Variants in ANKRA2 observed in about 807,000 individuals in gnomAD.
The protein encoded by ANKRA2 is ankyrin repeat family A protein 2.
In ANKRA2, 33 loss-of-function variants were observed where a neutral mutation model predicts 37.8. The ratio of observed to expected loss-of-function variants is 0.87; its 90% CI spans 0.66 to 1.17. ANKRA2 has a LOEUF of 1.17. Among genes scored for constraint, ANKRA2 ranks in the 50% most tolerant of loss-of-function variants. The probability of loss-of-function intolerance (pLI) is 0.00; values close to 1 mark genes in which losing one functional copy is unlikely to be tolerated. For missense variants in ANKRA2, 326 were observed against 373.7 expected (o/e 0.87, Z 1.05); for synonymous variants, 126 against 132.3 (o/e 0.95, Z 0.33).
intron 3 of ANKRA2, among the ~76,000 whole-genome samples, chr5:73,558,237 C>T (rs1023072177): frequency 6.6e-6 from 1 of 152,092 alleles, no homozygotes; most frequent in Non-Finnish European, 1.5e-5. Flanking sequence ...CCTTGACCTC[C>T]CACAGTGCTG....
At chr5:73,556,124 G>C (rs1290730579) in intron 4 of ANKRA2, among the ~76,000 whole-genome samples, 2 of 152,048 alleles carry the variant, frequency 1.3e-5, no homozygotes, top group Non-Finnish European at 2.9e-5. Context: ...TCTCATTCTT[G>C]TGGTTTGCTA....
chr5:73,555,294 A>G (rs1747369102), intron 5 of ANKRA2, 194 bp downstream of exon 5: 1 of 1,214,486 alleles, frequency 8.2e-7, no homozygotes, highest in South Asian at 1.7e-5. Context: ...TGGGCGTTAA[A>G]TTATTTCTCA....
rs773746633 is a variant in ANKRA2 at position 73,555,010 on chromosome 5, A to G, written c.613-24T>C. 3 of 1,596,210 alleles carry G rather than the reference A, an allele frequency of 1.9e-6. No individual in the cohort carries two copies. The Admixed American group carries it at 5.5e-5, about 29-fold the overall frequency. On this transcript the variant is annotated intron_variant, in intron 5 of 8. Transcript: ENST00000296785. Reference sequence around the variant, plus strand: ...CCCTGGTATGGGAAGTAGAGATAAAAGACTTCTCAATTAGTTTAAACAAGA... The same window carrying G: ...CCCTGGTATGGGAAGTAGAGATAAAGGACTTCTCAATTAGTTTAAACAAGA...
At chr5:73,563,129 A>G (rs1747601491) in intron 1 of ANKRA2, 144 bp from the exon 2 acceptor site, 1 of 316,024 alleles carries the variant, frequency 3.2e-6, no homozygotes, top group South Asian at 5.1e-5. Context: ...AGAGGTAGAG[A>G]AACCTGGGTA....
Position 73,552,741 on chromosome 5 carries a change from T to C in ANKRA2, c.*56A>G, listed in dbSNP as rs1747285602. ...AAAAATTTATAAGTAAACAAAACTA[T>C]CATTTATAAGGACCAAGAAGTAAAC... is the stretch of plus-strand genomic sequence containing the variant. On this transcript the variant is annotated 3_prime_UTR_variant, in exon 9 of 9. Coordinates refer to ENST00000296785, the MANE Select transcript of ANKRA2 (RefSeq NM_023039.5). 21 of 1,484,428 alleles carry C rather than the reference T, an allele frequency of 1.4e-5. No homozygotes were observed. The highest frequency in any genetic ancestry group is 1.9e-5 in the Non-Finnish European group (20 of 1,076,158). The allele number at this position is 1,484,428 out of a possible 1,614,324, so 92.0% of individuals were successfully genotyped here. A position where few individuals can be genotyped will look rare whatever the true frequency, so the allele number is the denominator to read the frequency against.
intron 7 of ANKRA2, among the ~76,000 whole-genome samples, chr5:73,553,983 C>T (rs113041535): frequency 0.028 from 4,196 of 152,156 alleles, 192 homozygotes; most frequent in African/African-American, 0.095. Flanking sequence ...GTTGGCCAGG[C>T]TGGTTTGAAC....
chr5:73,560,900 GTCTT>G (rs1747534398), intron 3 of ANKRA2, among the ~76,000 whole-genome samples: 1 of 152,138 alleles, frequency 6.6e-6, no homozygotes, highest in Admixed American at 6.5e-5. Context: ...TGTGGTATTT[GTCTT>G]TCTATGCCTG....
intron 3 of ANKRA2, among the ~76,000 whole-genome samples, chr5:73,558,879 T>G (rs892394970): frequency 6.6e-6 from 1 of 152,160 alleles, no homozygotes; most frequent in Non-Finnish European, 1.5e-5. Flanking sequence ...TAATTAGCTG[T>G]GTGATGTTGG....
chr5:73,559,414 C>A (rs138398894), intron 3 of ANKRA2, among the ~76,000 whole-genome samples: 2 of 152,126 alleles, frequency 1.3e-5, no homozygotes, highest in African/African-American at 4.8e-5. Flanking sequence ...AAAACTTCCT[C>A]TACAATGATT....
intron 2 of ANKRA2, among the ~76,000 whole-genome samples, chr5:73,562,103 G>A (rs1747572289): frequency 6.6e-6 from 1 of 152,040 alleles, no homozygotes; most frequent in South Asian, 2.1e-4. Context: ...TGCAACCACA[G>A]CCTCTGTGGT....
chr5:73,553,518 A>C, intron 7 of ANKRA2, 32 bp from the exon 8 acceptor site: 1 of 1,539,738 alleles, frequency 6.5e-7, no homozygotes, highest in Non-Finnish European at 9.0e-7. Flanking sequence ...ACATAAATGA[A>C]ATGAAAATGC....
chr5:73,562,927 C>G lies in ANKRA2; in HGVS notation c.-46G>C, dbSNP rs186070773. On this transcript the variant is annotated 5_prime_UTR_variant, in exon 2 of 9. Transcript: ENST00000296785. The stretch of plus-strand genomic sequence containing the variant: ...TAACTAAAACATTTCTTCATGATTT[C>G]CTCTTGGTTTTGTAAGAGCAGTATC... The G allele has an allele frequency of 8.1e-5, 123 of 1,524,198 alleles. No homozygotes were observed. The highest frequency in any genetic ancestry group is 1.1e-4 in the Non-Finnish European group (120 of 1,130,384). The allele number at this position is 1,524,198 out of a possible 1,614,324, so 94.4% of individuals were successfully genotyped here. A position where few individuals can be genotyped will look rare whatever the true frequency, so the allele number is the denominator to read the frequency against.
intron 3 of ANKRA2, among the ~76,000 whole-genome samples, chr5:73,557,875 G>A (rs565413964): frequency 3.9e-5 from 6 of 152,094 alleles, no homozygotes; most frequent in Non-Finnish European, 5.9e-5. Flanking sequence ...TCAGGAGTTC[G>A]AGACCAGCCT....
chr5:73,560,164 CATTT>C (rs1462816801), intron 3 of ANKRA2, among the ~76,000 whole-genome samples: 14 of 152,020 alleles, frequency 9.2e-5, no homozygotes, highest in African/African-American at 3.1e-4. Flanking sequence ...ACGTATAATG[CATTT>C]ATTTATTTTT....
chr5:73,552,875 A>T (rs1161584624), intron 8 of ANKRA2, 23 bp from the exon 9 acceptor site: 1 of 1,551,942 alleles, frequency 6.4e-7, no homozygotes, highest in East Asian at 2.3e-5. Context: ...GGTAATCAAG[A>T]TTACAGCACA....
At position 73,555,566 on chromosome 5, in the gene ANKRA2, C is replaced by T. The variant is rs374035552; in HGVS notation, c.534G>A (p.Thr178=). Residue 178 remains threonine, a synonymous_variant, in exon 5 of 9, where the codon ACG becomes ACA. Transcript: ENST00000296785. ...TCAGAGGAGTAAATCCTTCTTCATC[C>T]GTGTGATTGATAACATTTTCTATTT... The part of the protein sequence containing the change: ...RIEQENVINH[T]DEEGFTPLMW... 8 of 1,613,756 alleles carry T rather than the reference C, an allele frequency of 5.0e-6. No individual in the cohort carries two copies. The highest frequency in any genetic ancestry group is 2.2e-5 in the East Asian group (1 of 44,882).
Position 73,561,129 on chromosome 5 carries a change from C to G in ANKRA2, c.448+1G>C. On this transcript the variant is annotated splice_donor_variant, in intron 3 of 8. Coordinates refer to ENST00000296785, the MANE Select transcript of ANKRA2 (RefSeq NM_023039.5). LOFTEE classifies it high-confidence loss of function. ...GTAATACATCAGTGGCAAATACTTA[C>G]AATTTGCTAACAGAGGTGTGGTAGA... 1 of 1,606,624 alleles carries G rather than the reference C, an allele frequency of 6.2e-7. No individual in the cohort carries two copies. Among genetic ancestry groups the G allele is most frequent in the East Asian group, 2.2e-5 (1 of 44,794 alleles).
rs1288501577 is a variant in ANKRA2 at position 73,561,129 on chromosome 5, C to A, written c.448+1G>T. The stretch of plus-strand genomic sequence containing the variant: ...GTAATACATCAGTGGCAAATACTTA[C>A]AATTTGCTAACAGAGGTGTGGTAGA... On this transcript the variant is annotated splice_donor_variant, in intron 3 of 8. Coordinates refer to ENST00000296785, the MANE Select transcript of ANKRA2 (RefSeq NM_023039.5). LOFTEE classifies it high-confidence loss of function. 5.0e-6 allele frequency: 8 copies of A among 1,606,624 alleles called. No homozygotes were observed. Among genetic ancestry groups the A allele is most frequent in the Non-Finnish European group, 5.9e-6 (7 of 1,177,758 alleles).
chr5:73,559,172 GATTCT>G (rs1747478772), intron 3 of ANKRA2, among the ~76,000 whole-genome samples: 1 of 152,198 alleles, frequency 6.6e-6, no homozygotes, highest in South Asian at 2.1e-4. Context: ...CCTACAGGAA[GATTCT>G]TCCTAGCTCA....
Sources: allele counts gnomAD v4.1 joint callset (sites outside exome capture counted in the v4.1 genomes callset), GRCh38; gene constraint gnomAD v4.1.1; transcripts MANE v1.5; gene names NCBI Gene and HGNC (gene_info 2026-07-23, HGNC 2026-07-21).